Variants in NRG1 observed in about 807,000 individuals in gnomAD.
NRG1 encodes neuregulin 1, also known as pro-neuregulin-1, membrane-bound isoform.
In NRG1, 18 loss-of-function variants were observed where a neutral mutation model predicts 63.8. That is an observed-to-expected ratio of 0.28 (90% CI 0.19 to 0.42). The LOEUF (loss-of-function observed/expected upper bound fraction) is 0.42. NRG1 is among the 10% of genes least tolerant of loss of function. NRG1 has a pLI of 1.00. For synonymous variants in NRG1, 302 were observed against 301.3 expected, an observed-to-expected ratio of 1.00 and a Z score of -0.02; for missense variants, 762 against 814.7, an observed-to-expected ratio of 0.94 and a Z score of 0.79.
At chr8:31,655,945 A>G (rs1015163589) in intron 1 of NRG1, among the ~76,000 whole-genome samples, 3 of 152,332 alleles carry the variant, frequency 2.0e-5, no homozygotes, top group African/African-American at 7.2e-5. Context: ...GCGATGGCAA[A>G]TACTGCAGGA....
intron 1 of NRG1, among the ~76,000 whole-genome samples, chr8:31,938,287 G>T (rs1801230993): frequency 6.6e-6 from 1 of 152,208 alleles, no homozygotes; most frequent in Admixed American, 6.5e-5. Context: ...CCACTGGGTG[G>T]CTAGACCCAG....
chr8:32,499,969 A>G (rs1166852128), intron 1 of NRG1, among the ~76,000 whole-genome samples: 1 of 152,210 alleles, frequency 6.6e-6, no homozygotes, highest in Non-Finnish European at 1.5e-5. Flanking sequence ...GATTCAGTTT[A>G]TAAAGGGGGG....
At chr8:32,644,468 C>T (rs4531002) in intron 5 of NRG1, among the ~76,000 whole-genome samples, 47,430 of 152,008 alleles carry the variant, frequency 0.31, 8,057 homozygotes, top group Non-Finnish European at 0.37. Context: ...GGTCCTAGTC[C>T]CAAGGGTAGA....
chr8:32,417,730 AG>A (rs1344867012), intron 1 of NRG1, among the ~76,000 whole-genome samples: 2 of 39,940 alleles, frequency 5.0e-5, no homozygotes, highest in Non-Finnish European at 9.8e-5. Context: ...ACGGGGGTGG[AG>A]GGGGAGGGGG....
At chr8:31,778,777 T>G (rs1414820579) in intron 1 of NRG1, among the ~76,000 whole-genome samples, 1 of 152,174 alleles carries the variant, frequency 6.6e-6, no homozygotes, top group African/African-American at 2.4e-5. Flanking sequence ...AAATGACTGG[T>G]TTTTGGGAAG....
chr8:32,255,939 A>C (rs147495150), intron 1 of NRG1, among the ~76,000 whole-genome samples: 2,754 of 152,096 alleles, frequency 0.018, 80 homozygotes, highest in African/African-American at 0.063. Flanking sequence ...TCTCGTCTTC[A>C]TGCTTTATTT....
intron 1 of NRG1, among the ~76,000 whole-genome samples, chr8:32,048,188 G>A (rs1404377869): frequency 6.6e-6 from 1 of 151,440 alleles, no homozygotes; most frequent in Non-Finnish European, 1.5e-5. Context: ...CTTGACTATT[G>A]TGAATGGTGC....
At chr8:31,837,945 A>G (rs12677626) in intron 1 of NRG1, among the ~76,000 whole-genome samples, 147,047 of 152,176 alleles carry the variant, frequency 0.97, 71,223 homozygotes, top group East Asian at 1. Flanking sequence ...TAACATGAGC[A>G]TGCAGATGTC....
At chr8:31,656,724 A>C (rs149747665) in intron 1 of NRG1, among the ~76,000 whole-genome samples, 10 of 152,286 alleles carry the variant, frequency 6.6e-5, no homozygotes, top group African/African-American at 2.4e-4. Context: ...CTGAGCTAAG[A>C]ATTCTTTCCT....
At chr8:32,653,957 CGT>C (rs34252278) in intron 5 of NRG1, among the ~76,000 whole-genome samples, 270 of 148,290 alleles carry the variant, frequency 1.8e-3, no homozygotes, top group Middle Eastern at 7.1e-3. Context: ...CGTGTGTATG[CGT>C]GTGTGTGTGT....
intron 5 of NRG1, among the ~76,000 whole-genome samples, chr8:32,655,118 C>T (rs1239428473): frequency 2.0e-5 from 3 of 152,080 alleles, no homozygotes; most frequent in African/African-American, 7.2e-5. Context: ...AATATGAAAC[C>T]AGCACCAATT....
chr8:31,797,361 G>C (rs558878731), intron 1 of NRG1, among the ~76,000 whole-genome samples: 1 of 152,130 alleles, frequency 6.6e-6, no homozygotes, highest in African/African-American at 2.4e-5. Context: ...ATAGATGCTT[G>C]TTTAGTCACC....
chr8:31,985,547 C>G (rs1233176443), intron 1 of NRG1, among the ~76,000 whole-genome samples: 1 of 151,884 alleles, frequency 6.6e-6, no homozygotes, highest in Non-Finnish European at 1.5e-5. Flanking sequence ...TTTTCCATAT[C>G]TTCTTTCAGC....
At chr8:32,214,356 A>G (rs1348798210) in intron 1 of NRG1, among the ~76,000 whole-genome samples, 1 of 152,238 alleles carries the variant, frequency 6.6e-6, no homozygotes, top group Non-Finnish European at 1.5e-5. Flanking sequence ...TGGAAACAAG[A>G]ATAAGGATTG....
intron 1 of NRG1, among the ~76,000 whole-genome samples, chr8:32,054,391 C>T (rs1228161800): frequency 6.6e-6 from 1 of 152,114 alleles, no homozygotes; most frequent in Non-Finnish European, 1.5e-5. Context: ...TGAGGGAATG[C>T]TTATTGAGTA....
At chr8:32,603,362 T>C (rs1298330025) in intron 2 of NRG1, among the ~76,000 whole-genome samples, 2 of 152,224 alleles carry the variant, frequency 1.3e-5, no homozygotes, top group Non-Finnish European at 2.9e-5. Flanking sequence ...TTAAAGATAA[T>C]GAAAAGCCTG....
chr8:31,948,925 G>A (rs1465280920), intron 1 of NRG1, among the ~76,000 whole-genome samples: 1 of 152,138 alleles, frequency 6.6e-6, no homozygotes, highest in Non-Finnish European at 1.5e-5. Flanking sequence ...CTGGCTATTA[G>A]AATGCGCTGT....
intron 1 of NRG1, among the ~76,000 whole-genome samples, chr8:32,576,539 T>C (rs1297849657): frequency 1.3e-5 from 2 of 152,072 alleles, no homozygotes; most frequent in African/African-American, 4.8e-5. Context: ...GCAATAAATC[T>C]TAAACATTTT....
intron 3 of NRG1, 94 bp downstream of exon 3, chr8:32,605,777 C>T (rs932368540): frequency 2.0e-5 from 27 of 1,358,952 alleles, no homozygotes; most frequent in Non-Finnish European, 2.6e-5. Flanking sequence ...TGTTAAATCT[C>T]ATTGTGAACA....
Sources: gnomAD v4.1 joint callset for allele counts (sites outside exome capture counted in the v4.1 genomes callset) on GRCh38, gnomAD v4.1.1 for gene constraint, MANE v1.5 for transcripts, NCBI Gene and HGNC (gene_info 2026-07-23, HGNC 2026-07-21) for gene names.